Variants in CSMD1 observed in about 807,000 individuals in gnomAD.
The protein encoded by CSMD1 is CUB and sushi domain-containing protein 1.
A neutral mutation model predicts 417.5 loss-of-function variants in CSMD1; 213 were observed. The observed-to-expected ratio is 0.51, with a 90% CI of 0.46 to 0.57. CSMD1 has a LOEUF of 0.57. Ranked by LOEUF, CSMD1 falls within the 20% of genes least tolerant of loss-of-function variation. The pLI is 0.00. For missense variants in CSMD1, 6,923 were observed against 4,529.7 expected (o/e 1.53, Z -15.17); for synonymous variants, 2,862 against 1,736.8 (o/e 1.65, Z -16.11).
chr8:3,580,834 T>A (rs1040843763), intron 9 of CSMD1, among the ~76,000 whole-genome samples: 3 of 152,178 alleles, frequency 2.0e-5, no homozygotes, highest in African/African-American at 7.2e-5. Flanking sequence ...TTATTACTCT[T>A]TAAAAGGTCA....
intron 5 of CSMD1, among the ~76,000 whole-genome samples, chr8:3,805,185 G>T (rs538479194): frequency 6.6e-6 from 1 of 152,086 alleles, no homozygotes; most frequent in Non-Finnish European, 1.5e-5. Context: ...TATTCCCCAG[G>T]ACTACAACAT....
intron 3 of CSMD1, among the ~76,000 whole-genome samples, chr8:4,175,709 T>G (rs1798002128): frequency 1.3e-5 from 2 of 152,170 alleles, no homozygotes; most frequent in Non-Finnish European, 2.9e-5. Context: ...AGGGAGAATT[T>G]TATTGTCCAA....
chr8:4,649,760 G>A (rs970304062), intron 1 of CSMD1, among the ~76,000 whole-genome samples: 2 of 152,318 alleles, frequency 1.3e-5, no homozygotes, highest in East Asian at 3.9e-4. Context: ...ATTTGTGTAG[G>A]CATTTCAGAA....
intron 2 of CSMD1, among the ~76,000 whole-genome samples, chr8:4,632,769 T>G (rs1478615818): frequency 6.6e-6 from 1 of 152,150 alleles, no homozygotes; most frequent in Non-Finnish European, 1.5e-5. Flanking sequence ...GGTTGTTGTT[T>G]GGAATGCCTA....
chr8:3,244,513 A>G (rs1799754410), intron 26 of CSMD1, among the ~76,000 whole-genome samples: 1 of 152,210 alleles, frequency 6.6e-6, no homozygotes, highest in East Asian at 1.9e-4. Context: ...CAAGTACACC[A>G]GCTTTTACAC....
At chr8:3,406,621 G>A (rs529956576) in intron 14 of CSMD1, among the ~76,000 whole-genome samples, 4 of 152,214 alleles carry the variant, frequency 2.6e-5, no homozygotes, top group East Asian at 3.9e-4. Context: ...GACGCTCTAA[G>A]CCTAGCTATC....
chr8:3,118,609 A>T (rs1817004434), intron 41 of CSMD1, 22 bp from the exon 42 acceptor site: 3 of 1,604,136 alleles, frequency 1.9e-6, no homozygotes, highest in Non-Finnish European at 2.6e-6. Context: ...AAACAGACAA[A>T]ATAAAGCTTA....
At chr8:4,684,710 G>T (rs910195265) in intron 1 of CSMD1, among the ~76,000 whole-genome samples, 2 of 151,902 alleles carry the variant, frequency 1.3e-5, no homozygotes, top group African/African-American at 4.8e-5. Flanking sequence ...CCTGTCTCAG[G>T]GAATGAAGGA....
intron 3 of CSMD1, among the ~76,000 whole-genome samples, chr8:4,164,374 G>C (rs940489205): frequency 6.6e-6 from 1 of 152,036 alleles, no homozygotes; most frequent in Non-Finnish European, 1.5e-5. Flanking sequence ...GTACTTGTTG[G>C]ACAGAGAACA....
intron 5 of CSMD1, among the ~76,000 whole-genome samples, chr8:3,822,854 G>A (rs1445278995): frequency 6.6e-6 from 1 of 152,160 alleles, no homozygotes; most frequent in Non-Finnish European, 1.5e-5. Context: ...AGCTATGCAT[G>A]TGGTATTTAG....
intron 3 of CSMD1, among the ~76,000 whole-genome samples, chr8:4,384,484 G>A (rs900767239): frequency 6.6e-6 from 1 of 152,112 alleles, no homozygotes; most frequent in Non-Finnish European, 1.5e-5. Context: ...TACTATCTAT[G>A]AATTTGTTGA....
At chr8:3,220,127 T>G (rs1013380986) in intron 28 of CSMD1, among the ~76,000 whole-genome samples, 1 of 131,988 alleles carries the variant, frequency 7.6e-6, no homozygotes, top group Non-Finnish European at 1.5e-5. Context: ...CACTCCACCC[T>G]GAGAGACAGA....
At chr8:4,367,801 T>C (rs1440158958) in intron 3 of CSMD1, among the ~76,000 whole-genome samples, 2 of 152,164 alleles carry the variant, frequency 1.3e-5, no homozygotes, top group Non-Finnish European at 2.9e-5. Context: ...TATCCCTAGG[T>C]ATTTTATTCT....
intron 5 of CSMD1, among the ~76,000 whole-genome samples, chr8:3,806,502 G>C (rs1230123422): frequency 6.6e-6 from 1 of 152,094 alleles, no homozygotes; most frequent in East Asian, 1.9e-4. Flanking sequence ...AACCAACACA[G>C]AGCCACGGTG....
chr8:4,022,469 T>C (rs751946203), intron 4 of CSMD1, among the ~76,000 whole-genome samples: 1 of 152,156 alleles, frequency 6.6e-6, no homozygotes, highest in African/African-American at 2.4e-5. Flanking sequence ...ATTTGCAGCC[T>C]TGCTCAGGTT....
intron 3 of CSMD1, among the ~76,000 whole-genome samples, chr8:4,087,583 ATCTG>A (rs1800485393): frequency 6.6e-6 from 1 of 152,156 alleles, no homozygotes; most frequent in Middle Eastern, 3.4e-3. Flanking sequence ...TGATTTCATT[ATCTG>A]TCTAACTTTC....
chr8:4,858,936 A>C (rs993030737), intron 1 of CSMD1, among the ~76,000 whole-genome samples: 1 of 151,248 alleles, frequency 6.6e-6, no homozygotes, highest in South Asian at 2.1e-4. Context: ...ATATGGAACC[A>C]AAAAAGAGCC....
In CSMD1 at chr8:4,737,928, G is replaced by A. The variant is rs182698549; in HGVS notation, c.86-100370C>T. Among the ~76,000 whole-genome samples, 376 of 152,288 alleles carry A rather than the reference G, an allele frequency of 2.5e-3. 2 individuals carry two copies. Among genetic ancestry groups the A allele is most frequent in the Non-Finnish European group, 4.8e-3 (325 of 68,008 alleles). Reference sequence around the variant, plus strand: ...AGCAAAATTTGTTTGAAGGAAAGGCGAGAAAGTAAATTATGAAATGTTAAT... The same window carrying A: ...AGCAAAATTTGTTTGAAGGAAAGGCAAGAAAGTAAATTATGAAATGTTAAT... On this transcript the variant is annotated intron_variant, in intron 1 of 69. Transcript: ENST00000635120.
chr8:4,856,907 C>G (rs1364601606), intron 1 of CSMD1, among the ~76,000 whole-genome samples: 1 of 152,118 alleles, frequency 6.6e-6, no homozygotes, highest in African/African-American at 2.4e-5. Context: ...AGCTCTGAAC[C>G]AAGTGGACCT....
Sources: allele counts gnomAD v4.1 joint callset (sites outside exome capture counted in the v4.1 genomes callset), GRCh38; gene constraint gnomAD v4.1.1; transcripts MANE v1.5; gene names NCBI Gene and HGNC (gene_info 2026-07-23, HGNC 2026-07-21).